LRRTM4: variants seen among roughly 807,000 people sequenced by gnomAD.
LRRTM4 encodes leucine rich repeat transmembrane neuronal 4.
A neutral mutation model predicts 47.6 loss-of-function variants in LRRTM4; 25 were observed. The observed-to-expected ratio is 0.53, with a 90% confidence interval of 0.38 to 0.73. The LOEUF is 0.73. Ranked by LOEUF, LRRTM4 falls within the 30% of genes least tolerant of loss-of-function variation. The pLI, the probability that LRRTM4 is intolerant of heterozygous loss-of-function variation, is 0.00. For missense variants in LRRTM4, 638 were observed against 713.4 expected, an observed-to-expected ratio of 0.89 and a Z score of 1.20; for synonymous variants, 311 against 269.5, an observed-to-expected ratio of 1.15 and a Z score of -1.51.
At chr2:77,276,645 TAGA>T (rs1197298224) in intron 3 of LRRTM4, among the ~76,000 whole-genome samples, 1 of 139,282 alleles carries the variant, frequency 7.2e-6, no homozygotes, top group Admixed American at 7.6e-5. Flanking sequence ...ATGCAATCAA[TAGA>T]AGATCAGTAA....
At chr2:77,077,818 C>T (rs1053979099) in intron 3 of LRRTM4, among the ~76,000 whole-genome samples, 1 of 152,072 alleles carries the variant, frequency 6.6e-6, no homozygotes, top group African/African-American at 2.4e-5. Context: ...TAAGTTGACC[C>T]ATATTGAAGG....
At chr2:76,807,464 A>ATATATACG (rs1553412678) in intron 3 of LRRTM4, among the ~76,000 whole-genome samples, 2 of 103,156 alleles carry the variant, frequency 1.9e-5, no homozygotes, top group South Asian at 3.2e-4. Flanking sequence ...ATATACATAT[A>ATATATACG]TATATACATA....
intron 3 of LRRTM4, among the ~76,000 whole-genome samples, chr2:77,296,548 T>C (rs1474811714): frequency 1.3e-5 from 2 of 152,206 alleles, no homozygotes; most frequent in Non-Finnish European, 2.9e-5. Context: ...ACAACACTCT[T>C]TTTCCTTATA....
intron 3 of LRRTM4, among the ~76,000 whole-genome samples, chr2:77,369,395 A>C (rs1024485327): frequency 1.3e-5 from 2 of 151,662 alleles, no homozygotes; most frequent in Non-Finnish European, 3.0e-5. Flanking sequence ...GGTGGAGTGG[A>C]GAAAATGGGG....
rs1675384145 is a variant in LRRTM4 at position 76,797,227 on chromosome 2, T to A, written c.1552-48311A>T. On this transcript the variant is annotated intron_variant, in intron 3 of 3. Coordinates refer to ENST00000409884, the MANE Select transcript of LRRTM4 (RefSeq NM_001134745.3). The stretch of plus-strand genomic sequence containing the variant: ...GGGCAGCCAGAGAGAAAGGTCGGGT[T>A]ACCCTCAAAGGGAAGCCCATCAGAC... Among the ~76,000 whole-genome samples the A allele has an allele frequency of 2.6e-5, 4 of 152,074 alleles. No homozygotes were observed. The South Asian group carries it at 8.3e-4, about 31-fold the overall frequency.
intron 3 of LRRTM4, among the ~76,000 whole-genome samples, chr2:76,987,719 G>A (rs72823152): frequency 0.024 from 3,684 of 151,758 alleles, 84 homozygotes; most frequent in East Asian, 0.086. Flanking sequence ...ACAGTTTCTC[G>A]AACAACCAGT....
At chr2:76,944,460 G>T (rs982108658) in intron 3 of LRRTM4, among the ~76,000 whole-genome samples, 1 of 152,208 alleles carries the variant, frequency 6.6e-6, no homozygotes, top group East Asian at 1.9e-4. Context: ...GTTCTCAGCT[G>T]TGTTTCCAGT....
At chr2:77,251,473 G>A (rs1675615475) in intron 3 of LRRTM4, among the ~76,000 whole-genome samples, 2 of 151,910 alleles carry the variant, frequency 1.3e-5, no homozygotes, top group South Asian at 4.2e-4. Context: ...ATGTGTACTT[G>A]AATTCACCCC....
intron 3 of LRRTM4, among the ~76,000 whole-genome samples, chr2:77,506,744 T>C (rs1341548377): frequency 6.6e-6 from 1 of 151,944 alleles, no homozygotes; most frequent in Non-Finnish European, 1.5e-5. Flanking sequence ...TGTAGGAATC[T>C]ATCAACATGA....
intron 3 of LRRTM4, among the ~76,000 whole-genome samples, chr2:77,225,225 A>AG (rs1245519995): frequency 2.2e-5 from 1 of 44,638 alleles, no homozygotes; most frequent in African/African-American, 9.1e-5. Context: ...GGGTGGGGGG[A>AG]GGGGGGAGGG....
chr2:77,049,157 T>TATATATATATATATATATAC (rs1351971551), intron 3 of LRRTM4, among the ~76,000 whole-genome samples: 2 of 106,358 alleles, frequency 1.9e-5, no homozygotes, highest in African/African-American at 1.0e-4. Flanking sequence ...TATATATATA[T>TATATATATATATATATATAC]ACACACACAC....
chr2:77,368,657 G>A (rs1190569303), intron 3 of LRRTM4, among the ~76,000 whole-genome samples: 1 of 151,668 alleles, frequency 6.6e-6, no homozygotes, highest in African/African-American at 2.4e-5. Flanking sequence ...ACAAGTTTAT[G>A]CTGGAATCTG....
chr2:77,491,523 A>G (rs1208844197), intron 3 of LRRTM4, among the ~76,000 whole-genome samples: 1 of 152,108 alleles, frequency 6.6e-6, no homozygotes, highest in Non-Finnish European at 1.5e-5. Flanking sequence ...CATCCAGCAA[A>G]TAAATTAAGT....
intron 3 of LRRTM4, among the ~76,000 whole-genome samples, chr2:77,139,167 CA>C (rs551757867): frequency 2.0e-5 from 3 of 151,408 alleles, no homozygotes; most frequent in African/African-American, 4.9e-5. Context: ...AGAGACACAA[CA>C]AAAAAAAGAG....
chr2:76,969,662 A>G (rs144527751), intron 3 of LRRTM4, among the ~76,000 whole-genome samples: 67 of 152,108 alleles, frequency 4.4e-4, no homozygotes, highest in African/African-American at 1.6e-3. Context: ...TAATACATTT[A>G]CCAGTAATTA....
intron 3 of LRRTM4, among the ~76,000 whole-genome samples, chr2:77,382,074 A>T (rs548949469): frequency 6.6e-6 from 1 of 152,090 alleles, no homozygotes; most frequent in Non-Finnish European, 1.5e-5. Flanking sequence ...TGAGGAGAAC[A>T]TTCTCCTAAA....
rs78869348 is a variant in LRRTM4 at position 77,037,012 on chromosome 2, A to T, written c.1552-288096T>A. Among the ~76,000 whole-genome samples the T allele has an allele frequency of 4.3e-4, 66 of 151,752 alleles. 1 individual carries two copies. In the East Asian group the frequency reaches 0.011, roughly 25 times the overall value. ...CTAGCATGCTAGGGATTCGTCTACC[A>T]ATTGTTTAGCAATTCCCTAGCTGTC... On this transcript the variant is annotated intron_variant, in intron 3 of 3. Coordinates refer to ENST00000409884, the MANE Select transcript of LRRTM4 (RefSeq NM_001134745.3).
chr2:76,951,533 T>C lies in LRRTM4; in HGVS notation c.1552-202617A>G, dbSNP rs559911242. On this transcript the variant is annotated intron_variant, in intron 3 of 3. Coordinates refer to ENST00000409884, the MANE Select transcript of LRRTM4 (RefSeq NM_001134745.3). ...CCAAATAATATTTACCTAGCCTTTATTGTCACAGTAAGAGAGGTGAACCTT... is the reference window on the plus strand; with the variant it reads ...CCAAATAATATTTACCTAGCCTTTACTGTCACAGTAAGAGAGGTGAACCTT... Among the ~76,000 whole-genome samples, 3 of 152,164 alleles carry C rather than the reference T, an allele frequency of 2.0e-5. No homozygotes were observed. The South Asian group carries it at 6.2e-4, about 32-fold the overall frequency.
At chr2:77,108,368 T>C (rs1380678283) in intron 3 of LRRTM4, among the ~76,000 whole-genome samples, 1 of 151,954 alleles carries the variant, frequency 6.6e-6, no homozygotes. Context: ...TAAAGAACAT[T>C]GTATAAGAAA....
Sources: allele counts gnomAD v4.1 joint callset (sites outside exome capture counted in the v4.1 genomes callset), GRCh38; gene constraint gnomAD v4.1.1; transcripts MANE v1.5; gene names NCBI Gene and HGNC (gene_info 2026-07-23, HGNC 2026-07-21).